AFTPH: variants seen among roughly 807,000 people sequenced by gnomAD.
AFTPH encodes aftiphilin.
A neutral mutation model predicts 72.5 loss-of-function variants in AFTPH; 7 were observed. The ratio of observed to expected loss-of-function variants is 0.10; its 90% CI spans 0.05 to 0.18. The LOEUF is 0.18. Ranked by LOEUF, AFTPH falls within the 10% of genes least tolerant of loss-of-function variation. AFTPH has a pLI of 1.00. For missense variants in AFTPH, 979 were observed against 1,060.5 expected, an observed-to-expected ratio of 0.92 and a Z score of 1.07; for synonymous variants, 337 against 370.1, an observed-to-expected ratio of 0.91 and a Z score of 1.03.
intron 3 of AFTPH, 138 bp from the exon 4 acceptor site, chr2:64,568,954 C>A: frequency 1.1e-6 from 1 of 944,710 alleles, no homozygotes; most frequent in Non-Finnish European, 1.7e-6. Flanking sequence ...CTCTTGATTT[C>A]ATTCAAATAG....
chr2:64,559,087 G>A lies in AFTPH; in HGVS notation c.1935+5678G>A, dbSNP rs10202273. 3.4e-3 allele frequency among the ~76,000 whole-genome samples: 511 copies of A among 152,320 alleles called. 1 individual carries two copies. The highest frequency in any genetic ancestry group is 0.012 in the African/African-American group (490 of 41,574). On this transcript the variant is annotated intron_variant, in intron 2 of 8. Coordinates refer to ENST00000238856, the Ensembl canonical transcript of AFTPH. ...ACAAAATGACATTATTCAAGGACCT[G>A]CTGTCCTTTAAAGGAGATAGGCATT... is the stretch of plus-strand genomic sequence containing the variant.
intron 1 of AFTPH, among the ~76,000 whole-genome samples, chr2:64,545,032 CAG>C (rs1384360834): frequency 3.9e-5 from 6 of 152,200 alleles, no homozygotes; most frequent in African/African-American, 1.2e-4. Context: ...GCTTTGGTTA[CAG>C]AGTTTCTGAT....
exon 8 of AFTPH, chr2:64,585,505 A>C: frequency 6.2e-7 from 1 of 1,613,686 alleles, no homozygotes; most frequent in Non-Finnish European, 8.5e-7. Flanking sequence ...TGCATTTGCA[A>C]GACTCATGTC....
chr2:64,538,851 T>C (rs1454325322), intron 1 of AFTPH, among the ~76,000 whole-genome samples: 1 of 151,406 alleles, frequency 6.6e-6, no homozygotes, highest in African/African-American at 2.5e-5. Context: ...TGCAGTTTTA[T>C]AACCTTTAGT....
At chr2:64,527,302 C>CG (rs1384157658) in intron 1 of AFTPH, among the ~76,000 whole-genome samples, 1 of 151,996 alleles carries the variant, frequency 6.6e-6, no homozygotes, top group East Asian at 1.9e-4. Flanking sequence ...GTTTAAAGGC[C>CG]GGGCATGGTG....
In AFTPH at chr2:64,553,010, A is replaced by G. The variant is rs7576956; in HGVS notation, c.1536A>G (p.Gln512=). Residue 512 remains glutamine, a synonymous_variant, in exon 2 of 9, where the codon CAA becomes CAG. Transcript: ENST00000238856. ...CTGATAATTTATCAGAAGAATGTCA[A>G]TTGGCAAGAAAATCTAGTGGAACAG... is the stretch of plus-strand genomic sequence containing the variant. 68,533 of 1,614,138 alleles carry G rather than the reference A, an allele frequency of 0.042. 1,581 individuals are homozygous for G. The highest frequency in any genetic ancestry group is 0.051 in the Non-Finnish European group (59,721 of 1,179,972).
exon 9 of AFTPH, chr2:64,592,118 A>G (rs1673866551): frequency 3.3e-6 from 4 of 1,221,748 alleles, no homozygotes; most frequent in Non-Finnish European, 4.4e-6. Flanking sequence ...CTCTAATTAA[A>G]AAAAAAAAAA....
At chr2:64,547,036 T>G (rs1460646947) in intron 1 of AFTPH, among the ~76,000 whole-genome samples, 2 of 151,978 alleles carry the variant, frequency 1.3e-5, no homozygotes, top group Non-Finnish European at 2.9e-5. Flanking sequence ...GCGACAGAGC[T>G]AGACTCTGTC....
chr2:64,545,163 CT>C (rs1670497421), intron 1 of AFTPH, among the ~76,000 whole-genome samples: 1 of 151,348 alleles, frequency 6.6e-6, no homozygotes, highest in African/African-American at 2.4e-5. Context: ...ACAGATTAGG[CT>C]AGGAAAAAAA....
At chr2:64,572,574 A>G (rs1372453567) in intron 5 of AFTPH, among the ~76,000 whole-genome samples, 1 of 152,228 alleles carries the variant, frequency 6.6e-6, no homozygotes, top group African/African-American at 2.4e-5. Flanking sequence ...TTCATGTGAC[A>G]GTAATAATTC....
intron 2 of AFTPH, among the ~76,000 whole-genome samples, chr2:64,562,934 T>C (rs1671827833): frequency 6.6e-6 from 1 of 152,216 alleles, no homozygotes; most frequent in African/African-American, 2.4e-5. Flanking sequence ...TAATAAAGTA[T>C]CTATTTTTTG....
chr2:64,529,227 T>C (rs1669457203), intron 1 of AFTPH, among the ~76,000 whole-genome samples: 1 of 152,216 alleles, frequency 6.6e-6, no homozygotes, highest in South Asian at 2.1e-4. Context: ...TTACTGTTCC[T>C]TGATAGGGGC....
chr2:64,525,768 C>T (rs1401749529), intron 1 of AFTPH, among the ~76,000 whole-genome samples: 2 of 152,118 alleles, frequency 1.3e-5, no homozygotes, highest in Non-Finnish European at 2.9e-5. Context: ...TATGCTTTAC[C>T]AGTTTAAATG....
intron 6 of AFTPH, among the ~76,000 whole-genome samples, chr2:64,577,050 C>T (rs993745448): frequency 6.2e-5 from 9 of 145,080 alleles, no homozygotes; most frequent in East Asian, 2.6e-4. Context: ...TGAGCCACCG[C>T]GCCTGGCCAC....
chr2:64,562,302 A>G (rs1296551477), intron 2 of AFTPH, among the ~76,000 whole-genome samples: 6 of 151,506 alleles, frequency 4.0e-5, no homozygotes, highest in Admixed American at 1.3e-4. Context: ...AAGTAGAACA[A>G]TTATGCCCCC....
intron 1 of AFTPH, among the ~76,000 whole-genome samples, chr2:64,539,478 A>G (rs985326510): frequency 6.6e-6 from 1 of 152,130 alleles, no homozygotes; most frequent in Non-Finnish European, 1.5e-5. Context: ...CATTCATCAC[A>G]TTTCAGGCCA....
At chr2:64,540,494 T>A (rs1670176463) in intron 1 of AFTPH, among the ~76,000 whole-genome samples, 1 of 152,218 alleles carries the variant, frequency 6.6e-6, no homozygotes, top group African/African-American at 2.4e-5. Context: ...TATGTTATTA[T>A]GAATTTGTGT....
intron 6 of AFTPH, among the ~76,000 whole-genome samples, chr2:64,575,048 C>G (rs1221494468): frequency 1.3e-5 from 2 of 152,208 alleles, no homozygotes; most frequent in East Asian, 3.8e-4. Context: ...TTGCTTGCTT[C>G]CTCCTCCATC....
At chr2:64,555,823 G>A (rs1041702336) in intron 2 of AFTPH, among the ~76,000 whole-genome samples, 1 of 152,178 alleles carries the variant, frequency 6.6e-6, no homozygotes, top group Non-Finnish European at 1.5e-5. Flanking sequence ...TTACCCTGCT[G>A]TTGTGAAAGA....
Sources: gnomAD v4.1 joint callset for allele counts (sites outside exome capture counted in the v4.1 genomes callset) on GRCh38, gnomAD v4.1.1 for gene constraint, MANE v1.5 for transcripts, NCBI Gene and HGNC (gene_info 2026-07-23, HGNC 2026-07-21) for gene names.